Variants in RUFY4 observed in about 807,000 individuals in gnomAD.
RUFY4 encodes the protein RUN and FYVE domain containing 4.
Under a neutral mutation model 69.0 loss-of-function variants are expected in RUFY4, and 73 were observed. That is an observed-to-expected ratio of 1.06 (90% confidence interval 0.88 to 1.29). RUFY4 has a LOEUF of 1.29. Ranked by LOEUF, RUFY4 falls within the 50% of genes most tolerant of loss-of-function variation. RUFY4 has a pLI of 0.00. For synonymous variants in RUFY4, 287 were observed against 271.8 expected (o/e 1.06, Z -0.55); for missense variants, 770 against 705.6 (o/e 1.09, Z -1.03).
upstream of RUFY4, among the ~76,000 whole-genome samples, chr2:218,067,584 G>A (rs529093876): frequency 2.1e-4 from 32 of 152,314 alleles, no homozygotes; most frequent in African/African-American, 7.2e-4. Flanking sequence ...CACACCAGCT[G>A]GGATGGAGCT....
chr2:218,069,727 C>G (rs1384508161), upstream of RUFY4, among the ~76,000 whole-genome samples: 1 of 152,060 alleles, frequency 6.6e-6, no homozygotes, highest in East Asian at 1.9e-4. Context: ...ACTGCTGTAC[C>G]ACTGCCACCC....
intron 2 of RUFY4, among the ~76,000 whole-genome samples, chr2:218,039,549 G>T (rs1444915269): frequency 1.3e-5 from 2 of 152,226 alleles, no homozygotes; most frequent in Non-Finnish European, 2.9e-5. Flanking sequence ...CATCACTGCA[G>T]TATAGTAGGG....
chr2:218,046,185 T>C (rs1688824459), intron 2 of RUFY4, among the ~76,000 whole-genome samples: 1 of 152,118 alleles, frequency 6.6e-6, no homozygotes, highest in African/African-American at 2.4e-5. Flanking sequence ...GTATTTGTCA[T>C]TTGCTTGTGT....
chr2:218,041,823 T>A, intron 2 of RUFY4, among the ~76,000 whole-genome samples: 1 of 152,258 alleles, frequency 6.6e-6, no homozygotes, highest in East Asian at 1.9e-4. Context: ...CAGGGATTCC[T>A]GAGGCCTGAT....
chr2:218,040,387 G>T (rs922423210), intron 2 of RUFY4, among the ~76,000 whole-genome samples: 1 of 152,180 alleles, frequency 6.6e-6, no homozygotes, highest in Non-Finnish European at 1.5e-5. Context: ...TCTGATCTCT[G>T]AGCTGTGGCT....
chr2:218,075,824 A>G, intron 7 of RUFY4, 84 bp downstream of exon 9: 1 of 1,295,790 alleles, frequency 7.7e-7, no homozygotes. Context: ...GTAGCCTGGG[A>G]CCATTCCCTC....
chr2:218,069,522 T>C, upstream of RUFY4: 1 of 152,192 alleles, frequency 6.6e-6, no homozygotes. Context: ...CAGTCCAATC[T>C]TTGGTCTACA....
chr2:218,087,483 C>T (rs1461831116), intron 9 of RUFY4, among the ~76,000 whole-genome samples: 3 of 152,066 alleles, frequency 2.0e-5, no homozygotes, highest in African/African-American at 7.2e-5. Flanking sequence ...CATAAGGATA[C>T]TACCTATAGT....
intron 3 of RUFY4, chr2:218,060,740 G>A (rs1317681370): frequency 6.9e-7 from 1 of 1,448,958 alleles, no homozygotes; most frequent in Non-Finnish European, 9.7e-7. Context: ...TAGCAGAACA[G>A]CATGATCGCA....
intron 8 of RUFY4, among the ~76,000 whole-genome samples, 176 bp downstream of exon 10, chr2:218,076,709 C>T (rs1440680331): frequency 1.3e-5 from 2 of 152,208 alleles, no homozygotes; most frequent in Non-Finnish European, 2.9e-5. Flanking sequence ...GGGCTCCACC[C>T]TCCCTCCTCT....
At chr2:218,041,847 T>C (rs1688704824) in intron 2 of RUFY4, among the ~76,000 whole-genome samples, 1 of 152,264 alleles carries the variant, frequency 6.6e-6, no homozygotes, top group Non-Finnish European at 1.5e-5. Context: ...AATTTTAATT[T>C]ACTTTAACAA....
chr2:218,075,206 G>A, exon 7 of RUFY4: 1 of 1,559,642 alleles, frequency 6.4e-7, no homozygotes, highest in Non-Finnish European at 8.7e-7. Context: ...GGCTTCCCAG[G>A]TCCCAGCAAC....
At chr2:218,075,628 G>A in exon 7 of RUFY4, 2 of 1,519,158 alleles carry the variant, frequency 1.3e-6, no homozygotes, top group Non-Finnish European at 1.8e-6. Flanking sequence ...GTCCTTCAGG[G>A]ACACGCAACA....
At chr2:218,073,273 C>G in exon 5 of RUFY4, 1 of 1,552,800 alleles carries the variant, frequency 6.4e-7, no homozygotes, top group Non-Finnish European at 8.7e-7. Flanking sequence ...GCCCTCTGCT[C>G]TGCCCAGAAC....
chr2:218,045,963 C>T (rs1465036645), intron 2 of RUFY4, among the ~76,000 whole-genome samples: 1 of 152,112 alleles, frequency 6.6e-6, no homozygotes, highest in South Asian at 2.1e-4. Flanking sequence ...CGCCATGGCG[C>T]CCGGCTAATT....
chr2:218,089,295 A>G, exon 10 of RUFY4: 1 of 1,613,178 alleles, frequency 6.2e-7, no homozygotes, highest in Non-Finnish European at 8.5e-7. Flanking sequence ...TCTCTCTTCC[A>G]TGGCTCCCGA....
intron 5 of RUFY4, 34 bp downstream of exon 7, chr2:218,073,420 T>G: frequency 6.4e-7 from 1 of 1,571,120 alleles, no homozygotes; most frequent in Non-Finnish European, 8.6e-7. Flanking sequence ...AAGTCTCTTT[T>G]GACACCTGGT....
rs1197864260 is a variant in RUFY4, at chr2:218,045,407, G to A, written c.-1158+10013G>A. 4.6e-5 allele frequency among the ~76,000 whole-genome samples: 7 copies of A among 152,058 alleles called. No individual in the cohort carries two copies. The East Asian group carries it at 1.4e-3, about 29-fold the overall frequency. On this transcript the variant is annotated intron_variant and NMD_transcript_variant, in intron 2 of 13. Transcript: ENST00000457754. ...GAGTTTCCAAATCCTGGAACCATCA[G>A]GTAGGAAGAAAAAGATAAATGTTCC...
chr2:218,070,622 C>G, exon 1 of RUFY4: 3 of 1,537,524 alleles, frequency 2.0e-6, no homozygotes, highest in Non-Finnish European at 2.6e-6. Flanking sequence ...GAAGAGGGAG[C>G]CATCCTCAAG....
Sources: gnomAD v4.1 joint callset for allele counts (sites outside exome capture counted in the v4.1 genomes callset) on GRCh38, gnomAD v4.1.1 for gene constraint, MANE v1.5 for transcripts, NCBI Gene and HGNC (gene_info 2026-07-23, HGNC 2026-07-21) for gene names.